The following MPRIP variants were observed in gnomAD, a reference collection of about 807,000 sequenced individuals.
MPRIP encodes the protein myosin phosphatase Rho-interacting protein.
A neutral mutation model predicts 234.9 loss-of-function variants in MPRIP; 59 were observed. The observed-to-expected ratio is 0.25, with a 90% CI of 0.20 to 0.31. The LOEUF (loss-of-function observed/expected upper bound fraction) is 0.31, where lower values mean the gene tolerates loss of function less well. Among genes scored for constraint, MPRIP ranks in the 10% least tolerant of loss-of-function variants. The pLI is 1.00. For missense variants in MPRIP, 2,436 were observed against 3,071.0 expected (o/e 0.79, Z 4.89); for synonymous variants, 1,144 against 1,263.9 (o/e 0.91, Z 2.01).
In MPRIP at chr17:17,126,976, G is replaced by C. The variant is rs2144392858; in HGVS notation, c.419+123G>C. 8 of 1,231,712 alleles carry C rather than the reference G, an allele frequency of 6.5e-6. No homozygotes were observed. In the South Asian group the frequency reaches 1.1e-4, roughly 18 times the overall value. 76.3% of individuals were successfully genotyped at this position (1,231,712 alleles called of 1,614,324 possible). A position where few individuals can be genotyped will look rare whatever the true frequency, so the allele number is the denominator to read the frequency against. On this transcript the variant is annotated intron_variant, in intron 4 of 23. Coordinates refer to ENST00000651222, the MANE Select transcript of MPRIP (RefSeq NM_001364716.4). The stretch of plus-strand genomic sequence containing the variant: ...CTTCCCCGTGTGCCTCTATTCTTGG[G>C]CTCTGTCTCTGTTCTCAACACCGCT...
At chr17:17,129,420 A>T (rs956834937) in intron 4 of MPRIP, among the ~76,000 whole-genome samples, 1 of 152,132 alleles carries the variant, frequency 6.6e-6, no homozygotes, top group Non-Finnish European at 1.5e-5. Flanking sequence ...ACACATCTGG[A>T]TGATGTTAGA....
chr17:17,052,572 C>T (rs1169544362), intron 1 of MPRIP, among the ~76,000 whole-genome samples: 1 of 152,188 alleles, frequency 6.6e-6, no homozygotes, highest in African/African-American at 2.4e-5. Flanking sequence ...TGTTTGGCCA[C>T]CTTGTCTCTA....
chr17:17,052,034 G>A (rs1362661589), intron 1 of MPRIP, among the ~76,000 whole-genome samples: 1 of 152,256 alleles, frequency 6.6e-6, no homozygotes, highest in African/African-American at 2.4e-5. Context: ...ACAGACCTCA[G>A]CAGGCAAGGG....
At chr17:17,070,681 A>G (rs939722176) in intron 1 of MPRIP, among the ~76,000 whole-genome samples, 2 of 152,182 alleles carry the variant, frequency 1.3e-5, no homozygotes, top group Non-Finnish European at 2.9e-5. Flanking sequence ...GAAGCATTTT[A>G]TCATGGGTGC....
chr17:17,182,972 GTC>G (rs1294182850), intron 23 of MPRIP: 1 of 152,458 alleles, frequency 6.6e-6, no homozygotes, highest in Non-Finnish European at 1.5e-5. Flanking sequence ...GTGACCAGAT[GTC>G]TACCCAGGTC....
intron 3 of MPRIP, among the ~76,000 whole-genome samples, chr17:17,082,030 C>T (rs367915256): frequency 6.6e-6 from 1 of 152,146 alleles, no homozygotes; most frequent in South Asian, 2.1e-4. Flanking sequence ...TGCCTCTGTC[C>T]TCTGCCTTTG....
intron 1 of MPRIP, among the ~76,000 whole-genome samples, chr17:17,049,210 A>G (rs985604955): frequency 2.0e-4 from 30 of 152,196 alleles, no homozygotes; most frequent in African/African-American, 7.2e-4. Context: ...AATGACTGCT[A>G]ATGAGACTGG....
chr17:17,065,237 T>G (rs1440273504), intron 1 of MPRIP, among the ~76,000 whole-genome samples: 4 of 152,222 alleles, frequency 2.6e-5, no homozygotes, highest in Non-Finnish European at 5.9e-5. Flanking sequence ...TTTATCCTAC[T>G]TCGTGGCTTA....
At chr17:17,133,139 A>G (rs1286378814) in intron 5 of MPRIP, among the ~76,000 whole-genome samples, 1 of 152,160 alleles carries the variant, frequency 6.6e-6, no homozygotes, top group East Asian at 1.9e-4. Context: ...TTTTGTTGGT[A>G]GAAGGAGCCA....
intron 23 of MPRIP, chr17:17,180,661 A>G (rs1197420862): frequency 1.9e-6 from 3 of 1,613,790 alleles, no homozygotes; most frequent in South Asian, 1.1e-5. Flanking sequence ...TTCCCGGCCC[A>G]TGCAGGAGGT....
chr17:17,077,702 A>G (rs538568175), intron 2 of MPRIP: 5 of 347,908 alleles, frequency 1.4e-5, no homozygotes, highest in African/African-American at 1.0e-4. Flanking sequence ...CATCAGGAAT[A>G]CAAAAAGGTA....
intron 3 of MPRIP, among the ~76,000 whole-genome samples, chr17:17,108,243 T>C (rs914861472): frequency 1.3e-5 from 2 of 152,170 alleles, no homozygotes; most frequent in South Asian, 4.1e-4. Context: ...TCTTTACAGC[T>C]GCATTTTGTC....
chr17:17,184,670 G>A (rs546326817), intron 23 of MPRIP, among the ~76,000 whole-genome samples, 153 bp from the exon 24 acceptor site: 1 of 152,006 alleles, frequency 6.6e-6, no homozygotes, highest in Non-Finnish European at 1.5e-5. Context: ...GCATTTCCCG[G>A]GGACTCTCCT....
chr17:17,067,443 C>T (rs1194733863), intron 1 of MPRIP, among the ~76,000 whole-genome samples: 1 of 152,134 alleles, frequency 6.6e-6, no homozygotes, highest in African/African-American at 2.4e-5. Context: ...AGCGTGGATG[C>T]GCTGGACAAA....
At chr17:17,155,795 T>C (rs4985704) in intron 13 of MPRIP, among the ~76,000 whole-genome samples, 23,335 of 152,230 alleles carry the variant, frequency 0.15, 2,611 homozygotes, top group East Asian at 0.3. Context: ...AAGTCCTCTT[T>C]GTGCACAGCC....
At chr17:17,091,586 G>A (rs1226317251) in intron 3 of MPRIP, among the ~76,000 whole-genome samples, 1 of 152,208 alleles carries the variant, frequency 6.6e-6, no homozygotes, top group Non-Finnish European at 1.5e-5. Flanking sequence ...CATGCGGCTG[G>A]TTGTCCCAGA....
chr17:17,054,840 A>G (rs2088645231), intron 1 of MPRIP, among the ~76,000 whole-genome samples: 1 of 152,040 alleles, frequency 6.6e-6, no homozygotes, highest in Admixed American at 6.6e-5. Context: ...GCTTGAGCCC[A>G]GGAGTTCGAG....
chr17:17,180,516 G>A, intron 23 of MPRIP: 1 of 1,176,260 alleles, frequency 8.5e-7, no homozygotes, highest in Non-Finnish European at 1.3e-6. Flanking sequence ...TCCAGAGCCA[G>A]CCATGCACAG....
At chr17:17,121,254 A>G (rs2144353316) in intron 3 of MPRIP, among the ~76,000 whole-genome samples, 1 of 152,390 alleles carries the variant, frequency 6.6e-6, no homozygotes, top group South Asian at 2.1e-4. Flanking sequence ...GCTTTGTGGT[A>G]GAGCCTATTG....
Sources: allele counts gnomAD v4.1 joint callset (sites outside exome capture counted in the v4.1 genomes callset), GRCh38; gene constraint gnomAD v4.1.1; transcripts MANE v1.5; gene names NCBI Gene and HGNC (gene_info 2026-07-23, HGNC 2026-07-21).